Variants in EXOG observed in about 807,000 individuals in gnomAD.
The protein encoded by EXOG is exo/endonuclease G.
A neutral mutation model predicts 25.8 loss-of-function variants in EXOG; 27 were observed. The observed-to-expected ratio is 1.05, with a 90% CI of 0.77 to 1.45. EXOG has a LOEUF of 1.45. EXOG is among the 40% of genes most tolerant of loss of function. EXOG has a pLI of 0.00. For synonymous variants in EXOG, 133 were observed against 167.0 expected, an observed-to-expected ratio of 0.80 and a Z score of 1.57; for missense variants, 458 against 450.5, an observed-to-expected ratio of 1.02 and a Z score of -0.15.
intron 5 of EXOG, among the ~76,000 whole-genome samples, chr3:38,516,786 G>A (rs1575662484): frequency 6.6e-6 from 1 of 151,886 alleles, no homozygotes; most frequent in East Asian, 1.9e-4. Context: ...TTCTGACTCA[G>A]CCTTTTGTCT....
rs202092604 is a variant in EXOG, at chr3:38,520,060, CT to C, written c.646-3840del. On this transcript the variant is annotated intron_variant, in intron 5 of 5. Coordinates refer to ENST00000287675, the MANE Select transcript of EXOG (RefSeq NM_005107.4). ...GGGGAATGTAACCAAATATATCTAT[CT>C]AATTCTAGCAGGTACATATTTTTTC... is the stretch of plus-strand genomic sequence containing the variant. 2.4e-3 allele frequency among the ~76,000 whole-genome samples: 368 copies of C among 152,286 alleles called. 1 individual carries two copies. Among genetic ancestry groups the C allele is most frequent in the African/African-American group, 8.5e-3 (355 of 41,578 alleles).
rs1218588478 is a variant in EXOG, at chr3:38,524,484, C to T, written c.*122C>T. 7.0e-7 allele frequency: 1 copy of T among 1,418,942 alleles called. No individual in the cohort carries two copies. Among genetic ancestry groups the T allele is most frequent in the Non-Finnish European group, 9.2e-7 (1 of 1,083,030 alleles). The allele number at this position is 1,418,942 out of a possible 1,614,324, so 87.9% of individuals were successfully genotyped here. Reference sequence around the variant, plus strand: ...AGTTTTTCTCTTTAAGAGATGTGGTCTCGCCGTGTCATCCAGGCTGGAGTG... The same window carrying T: ...AGTTTTTCTCTTTAAGAGATGTGGTTTCGCCGTGTCATCCAGGCTGGAGTG... On this transcript the variant is annotated 3_prime_UTR_variant, in exon 6 of 6. Transcript: ENST00000287675.
chr3:38,500,305 T>G (rs1396724701), intron 2 of EXOG: 1 of 152,132 alleles, frequency 6.6e-6, no homozygotes, highest in Non-Finnish European at 1.5e-5. Flanking sequence ...AGCAGTAAAT[T>G]TATATCTTTT....
At chr3:38,523,199 T>A (rs1032316812) in intron 5 of EXOG, 3 of 1,289,538 alleles carry the variant, frequency 2.3e-6, no homozygotes, top group Non-Finnish European at 3.0e-6. Flanking sequence ...GCCTGCAGTT[T>A]TGACCTTTGA....
chr3:38,500,235 CT>C (rs1466770581), intron 2 of EXOG: 1 of 153,630 alleles, frequency 6.5e-6, no homozygotes, highest in African/African-American at 2.4e-5. Context: ...ATCAGGGAAC[CT>C]TAATCCCTGA....
chr3:38,504,861 G>A (rs1275084612), intron 4 of EXOG, among the ~76,000 whole-genome samples: 3 of 152,136 alleles, frequency 2.0e-5, no homozygotes, highest in Non-Finnish European at 4.4e-5. Context: ...AGGCTATTGT[G>A]TTTTTCCCCA....
chr3:38,525,774 C>G lies in EXOG; in HGVS notation c.*1412C>G. On this transcript the variant is annotated 3_prime_UTR_variant, in exon 6 of 6. Transcript: ENST00000287675. ...CCTGGGCAACATAATGAAACCCTAT[C>G]TTTACAAAAAAATACAAAAATTAGC... The G allele has an allele frequency of 2.2e-6, 1 of 445,974 alleles. No individual in the cohort carries two copies. Among genetic ancestry groups the G allele is most frequent in the Non-Finnish European group, 3.0e-6 (1 of 337,192 alleles). The allele number at this position is 445,974 out of a possible 1,614,324, so 27.6% of individuals were successfully genotyped here.
chr3:38,507,334 T>A (rs1043465763), intron 5 of EXOG, among the ~76,000 whole-genome samples: 1 of 152,228 alleles, frequency 6.6e-6, no homozygotes, highest in Admixed American at 6.5e-5. Flanking sequence ...GGAAGTGATA[T>A]TGAGCTATAC....
At chr3:38,513,041 G>GGAGAAATCTAGGGGAGAGTGATGT (rs2060421191) in intron 5 of EXOG, among the ~76,000 whole-genome samples, 1 of 152,100 alleles carries the variant, frequency 6.6e-6, no homozygotes, top group Non-Finnish European at 1.5e-5. Flanking sequence ...GCCTCAAGTA[G>GGAGAAATCTAGGGGAGAGTGATGT]TCCTCCCACC....
chr3:38,507,373 C>T (rs2060233352), intron 5 of EXOG, among the ~76,000 whole-genome samples: 1 of 152,126 alleles, frequency 6.6e-6, no homozygotes, highest in African/African-American at 2.4e-5. Flanking sequence ...GGAGTGGACC[C>T]TGAGGATTCC....
intron 5 of EXOG, among the ~76,000 whole-genome samples, chr3:38,523,649 T>G (rs975222274): frequency 2.0e-5 from 3 of 152,210 alleles, no homozygotes; most frequent in Admixed American, 6.5e-5. Context: ...ATTACAGGTA[T>G]GAGCCACCGT....
intron 1 of EXOG, chr3:38,497,030 C>T: frequency 9.9e-7 from 1 of 1,006,650 alleles, no homozygotes; most frequent in Non-Finnish European, 1.2e-6. Flanking sequence ...GCTATCCCTC[C>T]AAAGTGTATA....
intron 2 of EXOG, chr3:38,500,208 CTG>C (rs2060005950): frequency 6.4e-6 from 1 of 155,512 alleles, no homozygotes; most frequent in African/African-American, 2.4e-5. Flanking sequence ...CAGCCCAAAT[CTG>C]TGCATCGAGA....
chr3:38,500,970 A>G (rs1290880901), intron 2 of EXOG, among the ~76,000 whole-genome samples: 3 of 152,222 alleles, frequency 2.0e-5, no homozygotes, highest in Non-Finnish European at 4.4e-5. Flanking sequence ...GTCAAATACA[A>G]TCGTACAAAA....
At chr3:38,497,105 A>G (rs893944505) in intron 1 of EXOG, 1 of 1,005,428 alleles carries the variant, frequency 9.9e-7, no homozygotes, top group African/African-American at 1.8e-5. Flanking sequence ...ACACGAGCTC[A>G]TTTCTTGTAC....
intron 1 of EXOG, chr3:38,496,810 A>T (rs1451746706): frequency 1.4e-6 from 2 of 1,414,170 alleles, no homozygotes; most frequent in Admixed American, 2.3e-5. Flanking sequence ...TCATCGCGAT[A>T]TCTATGTTTT....
chr3:38,510,587 T>C (rs982202774), intron 5 of EXOG, among the ~76,000 whole-genome samples: 1 of 151,896 alleles, frequency 6.6e-6, no homozygotes, highest in South Asian at 2.1e-4. Context: ...ATGTTAACAA[T>C]TGGTAAATCT....
At chr3:38,505,602 A>G (rs1349805584) in intron 4 of EXOG, 3 of 152,212 alleles carry the variant, frequency 2.0e-5, no homozygotes, top group Admixed American at 2.0e-4. Context: ...ATTGGATTTT[A>G]CTTTTTAGAT....
chr3:38,496,915 C>A, intron 1 of EXOG: 1 of 1,145,504 alleles, frequency 8.7e-7, no homozygotes, highest in Admixed American at 3.3e-5. Flanking sequence ...GTACCTGGTA[C>A]ATAATTGGCA....
Sources: gnomAD v4.1 joint callset for allele counts (sites outside exome capture counted in the v4.1 genomes callset) on GRCh38, gnomAD v4.1.1 for gene constraint, MANE v1.5 for transcripts, NCBI Gene and HGNC (gene_info 2026-07-23, HGNC 2026-07-21) for gene names.